Variants in ZNF251 observed in about 807,000 individuals in gnomAD.
ZNF251 encodes the protein zinc finger protein 251.
ZNF251 carries 14 observed loss-of-function variants against 13.5 expected under a neutral mutation model. The observed-to-expected ratio is 1.04, with a 90% confidence interval of 0.69 to 1.63. The LOEUF (loss-of-function observed/expected upper bound fraction) is 1.63. Ranked by LOEUF, ZNF251 falls within the 40% of genes most tolerant of loss-of-function variation. The pLI is 0.00. For synonymous variants in ZNF251, 287 were observed against 295.2 expected (o/e 0.97, Z 0.28); for missense variants, 764 against 834.9 (o/e 0.92, Z 1.05).
Position 144,755,520 on chromosome 8 carries a change from T to TAGGATGAAGAGGGCGGGCC in ZNF251, c.-192_-191insGGCCCGCCCTCTTCATCCT. On this transcript the variant is annotated 5_prime_UTR_variant, in exon 1 of 5. Coordinates refer to ENST00000292562, the MANE Select transcript of ZNF251 (RefSeq NM_138367.2). ...GTCCAGAGCCGGGGAGGGGGCGGGCTAGGATGAAGAGGGCGGGCCGGGCCG... is the reference window on the plus strand; with the variant it reads ...GTCCAGAGCCGGGGAGGGGGCGGGCTAGGATGAAGAGGGCGGGCCAGGATGAAGAGGGCGGGCCGGGCCG... The TAGGATGAAGAGGGCGGGCC allele has an allele frequency of 7.8e-7, 1 of 1,285,312 alleles. No individual in the cohort carries two copies. Among genetic ancestry groups the TAGGATGAAGAGGGCGGGCC allele is most frequent in the African/African-American group, 1.5e-5 (1 of 65,564 alleles). The allele number at this position is 1,285,312 out of a possible 1,614,324, so 79.6% of individuals were successfully genotyped here.
At chr8:144,730,017 G>A in intron 4 of ZNF251, 1 of 985,294 alleles carries the variant, frequency 1.0e-6, no homozygotes, top group Non-Finnish European at 1.2e-6. Context: ...CCAGGAGCGG[G>A]TGCCCTCACC....
intron 4 of ZNF251, among the ~76,000 whole-genome samples, chr8:144,742,974 T>G (rs183546813): frequency 6.6e-6 from 1 of 152,364 alleles, no homozygotes; most frequent in Non-Finnish European, 1.5e-5. Flanking sequence ...AAAGGCCAAC[T>G]GTATCATCTT....
intron 4 of ZNF251, among the ~76,000 whole-genome samples, chr8:144,753,031 C>T (rs1250182702): frequency 6.6e-6 from 1 of 151,882 alleles, no homozygotes; most frequent in Non-Finnish European, 1.5e-5. Context: ...AATCTCAGCA[C>T]TTTGGGAGGT....
chr8:144,739,318 G>T (rs1370010136), intron 4 of ZNF251, among the ~76,000 whole-genome samples: 1 of 130,092 alleles, frequency 7.7e-6, no homozygotes, highest in Admixed American at 9.3e-5. Flanking sequence ...CCCAAACTAG[G>T]ATCACAAATC....
At chr8:144,742,365 C>A (rs1167724185) in intron 4 of ZNF251, among the ~76,000 whole-genome samples, 3 of 151,956 alleles carry the variant, frequency 2.0e-5, no homozygotes, top group African/African-American at 7.3e-5. Context: ...ATGAAGAGCA[C>A]TAGAGATGGA....
chr8:144,742,472 C>T (rs2130025723), intron 4 of ZNF251, among the ~76,000 whole-genome samples: 1 of 150,802 alleles, frequency 6.6e-6, no homozygotes, highest in South Asian at 2.1e-4. Flanking sequence ...CATACCCCAC[C>T]CCCCACACAC....
Position 144,723,154 on chromosome 8 carries a change from G to A in ZNF251, c.506C>T (p.Thr169Ile). 6.2e-7 allele frequency: 1 copy of A among 1,612,920 alleles called. No individual in the cohort carries two copies. The highest frequency in any genetic ancestry group is 8.5e-7 in the Non-Finnish European group (1 of 1,179,388). ...TCCCAAAGATCTTTCCCTGCCCACG[G>A]TAGCTTCTGTTAAAACTCTCTTGTG... ...NIHKRVLTEA[T>I]VGRERSLGER... is the part of the protein sequence containing the mutation. Residue 169 changes from threonine (T) to isoleucine (I), a missense_variant, in exon 5 of 5, where the codon ACC becomes ATC. Coordinates refer to ENST00000292562, the MANE Select transcript of ZNF251 (RefSeq NM_138367.2).
At chr8:144,754,046 T>C (rs1244123270) in intron 3 of ZNF251, 146 bp downstream of exon 3, 1 of 1,254,528 alleles carries the variant, frequency 8.0e-7, no homozygotes, top group South Asian at 1.6e-5. Flanking sequence ...GCTTTTCCCA[T>C]GGGAAATGTT....
intron 4 of ZNF251, among the ~76,000 whole-genome samples, chr8:144,729,192 A>C (rs563305739): frequency 5.8e-4 from 88 of 152,206 alleles, no homozygotes; most frequent in African/African-American, 2.0e-3. Flanking sequence ...AAATTTAAAA[A>C]TACGAGTTTA....
chr8:144,730,030 C>A, intron 4 of ZNF251: 1 of 985,468 alleles, frequency 1.0e-6, no homozygotes, highest in South Asian at 4.7e-5. Flanking sequence ...CCCTCACCCA[C>A]CAACTCGAGG....
In ZNF251 at chr8:144,722,953, G is replaced by A. The variant is rs745350200; in HGVS notation, c.707C>T (p.Pro236Leu). 12 of 1,613,930 alleles carry A rather than the reference G, an allele frequency of 7.4e-6. No homozygotes were observed. Among genetic ancestry groups the A allele is most frequent in the South Asian group, 1.1e-5 (1 of 91,070 alleles). The change falls in exon 5 of 5, where the codon CCG becomes CTG. Residue 236 changes from proline (P) to leucine (L), a missense_variant. Pro to Leu is a moderately conservative substitution (Grantham distance 98). Coordinates refer to ENST00000292562, the MANE Select transcript of ZNF251 (RefSeq NM_138367.2). The surrounding 1 kb of genome is among the most constrained non-coding windows in gnomAD (Gnocchi z 4.8). ...TCGCCCACACCGGCCACATTCGTAC[G>A]GCTTCTCCCCAGTGTGACTTCTCTG... Reference protein sequence around the residue: ...RHQRSHTGEKPYECGRCGRAF... With the variant: ...RHQRSHTGEKLYECGRCGRAF...
rs1343831465 is a variant in ZNF251 at position 144,749,826 on chromosome 8, GT to G, written c.277+3856del. Among the ~76,000 whole-genome samples, 52 of 148,368 alleles carry G rather than the reference GT, an allele frequency of 3.5e-4. 1 individual carries two copies. Among genetic ancestry groups the G allele is most frequent in the Admixed American group, 3.5e-3 (52 of 15,024 alleles). On this transcript the variant is annotated intron_variant, in intron 4 of 4. Coordinates refer to ENST00000292562, the MANE Select transcript of ZNF251 (RefSeq NM_138367.2). ...AGGCACTGTTCCTTTCGGTTATGGTGTTTTTGGTCTCTAGTATTTAAAAAAT... is the reference window on the plus strand; with the variant it reads ...AGGCACTGTTCCTTTCGGTTATGGTGTTTTGGTCTCTAGTATTTAAAAAAT...
chr8:144,744,302 G>A (rs1205942118), intron 4 of ZNF251, among the ~76,000 whole-genome samples: 1 of 152,106 alleles, frequency 6.6e-6, no homozygotes, highest in Non-Finnish European at 1.5e-5. Flanking sequence ...CAGAGCAGAA[G>A]TTTTTCATTT....
At chr8:144,727,380 T>C (rs1380845181) in intron 4 of ZNF251, among the ~76,000 whole-genome samples, 1 of 152,232 alleles carries the variant, frequency 6.6e-6, no homozygotes, top group East Asian at 1.9e-4. Context: ...GATGGCATCT[T>C]CTTGCAATAG....
At chr8:144,729,673 C>G (rs1462241904) in intron 4 of ZNF251, among the ~76,000 whole-genome samples, 3 of 151,890 alleles carry the variant, frequency 2.0e-5, no homozygotes, top group Non-Finnish European at 2.9e-5. Flanking sequence ...TCCCTGATGT[C>G]TCATATCAAC....
intron 4 of ZNF251, among the ~76,000 whole-genome samples, chr8:144,743,901 T>C (rs539168759): frequency 6.6e-6 from 1 of 152,350 alleles, no homozygotes; most frequent in East Asian, 1.9e-4. Context: ...AAATGGGCTG[T>C]TCATTTTCTT....
chr8:144,754,415 G>A (rs1824855707), intron 2 of ZNF251, 94 bp from the exon 3 acceptor site: 1 of 1,467,790 alleles, frequency 6.8e-7, no homozygotes, highest in Non-Finnish European at 9.0e-7. Context: ...ACTACCCAGG[G>A]CCCTGCTGTG....
intron 4 of ZNF251, among the ~76,000 whole-genome samples, chr8:144,732,299 G>A (rs4925819): frequency 1.3e-5 from 2 of 152,192 alleles, no homozygotes; most frequent in African/African-American, 4.8e-5. Context: ...TAGAGGGATA[G>A]TGGGATAGGG....
Position 144,735,722 on chromosome 8 carries a change from G to C in ZNF251, c.278-12340C>G, listed in dbSNP as rs112687308. Among the ~76,000 whole-genome samples, 656 of 152,318 alleles carry C rather than the reference G, an allele frequency of 4.3e-3. 2 individuals are homozygous for C. The highest frequency in any genetic ancestry group is 0.014 in the African/African-American group (592 of 41,560). ...GACAACAGCCAGAGCTCACTGTAGA[G>C]TGGCCCTGGAGACCACACCCACCTC... On this transcript the variant is annotated intron_variant, in intron 4 of 4. Coordinates refer to ENST00000292562, the MANE Select transcript of ZNF251 (RefSeq NM_138367.2).
Sources: allele counts gnomAD v4.1 joint callset (sites outside exome capture counted in the v4.1 genomes callset), GRCh38; gene constraint gnomAD v4.1.1; non-coding constraint Gnocchi (gnomAD v3.1); transcripts MANE v1.5; gene names NCBI Gene and HGNC (gene_info 2026-07-23, HGNC 2026-07-21).